The following KLHL3 variants were observed in gnomAD, a reference collection of about 807,000 sequenced individuals.
KLHL3 encodes kelch like family member 3.
KLHL3 carries 19 observed loss-of-function variants against 70.5 expected under a neutral mutation model. That is an observed-to-expected ratio of 0.27 (90% CI 0.19 to 0.40). The LOEUF is 0.40. Among genes scored for constraint, KLHL3 ranks in the 10% least tolerant of loss-of-function variants. KLHL3 has a pLI of 1.00. For missense variants in KLHL3, 512 were observed against 771.1 expected (o/e 0.66, Z 3.98); for synonymous variants, 258 against 290.3 (o/e 0.89, Z 1.13).
At chr5:137,691,362 GTC>G (rs1752317801) in intron 5 of KLHL3, among the ~76,000 whole-genome samples, 1 of 152,218 alleles carries the variant, frequency 6.6e-6, no homozygotes, top group Non-Finnish European at 1.5e-5. Context: ...TAAAGGGAAA[GTC>G]TGCAAAAGCT....
chr5:137,673,693 A>C (rs913614944), intron 6 of KLHL3: 2 of 152,274 alleles, frequency 1.3e-5, no homozygotes, highest in African/African-American at 4.8e-5. Context: ...CTTGGGGGAC[A>C]TCTGCTGAGT....
chr5:137,652,761 G>A (rs564184945), intron 8 of KLHL3, among the ~76,000 whole-genome samples: 6 of 152,192 alleles, frequency 3.9e-5, no homozygotes, highest in Non-Finnish European at 2.9e-5. Context: ...GGTGACTATA[G>A]TTAATAACAA....
At chr5:137,656,004 A>ATT (rs1751333656) in intron 8 of KLHL3, among the ~76,000 whole-genome samples, 1 of 151,018 alleles carries the variant, frequency 6.6e-6, no homozygotes, top group Admixed American at 6.6e-5. Flanking sequence ...AAAAAAAAAA[A>ATT]AAAAAAGGAA....
intron 2 of KLHL3, among the ~76,000 whole-genome samples, chr5:137,712,371 A>G (rs936758064): frequency 3.9e-5 from 6 of 152,204 alleles, no homozygotes; most frequent in African/African-American, 1.4e-4. Flanking sequence ...TGAAGAATAA[A>G]GATGGAGAAT....
chr5:137,625,960 C>G (rs1023590272), intron 13 of KLHL3, 64 bp from the exon 14 acceptor site: 1 of 1,595,794 alleles, frequency 6.3e-7, no homozygotes, highest in African/African-American at 1.3e-5. Context: ...CAGAATTGAT[C>G]AAGAGACAAA....
At chr5:137,662,194 G>A (rs1328293943) in intron 6 of KLHL3, among the ~76,000 whole-genome samples, 163 bp from the exon 7 acceptor site, 1 of 150,246 alleles carries the variant, frequency 6.7e-6, no homozygotes, top group Non-Finnish European at 1.5e-5. Flanking sequence ...AAAACAGAAA[G>A]GGTTTGTTTA....
chr5:137,634,174 G>A lies in KLHL3; in HGVS notation c.1322-9C>T, dbSNP rs748835764. On this transcript the variant is annotated splice_polypyrimidine_tract_variant and intron_variant, in intron 11 of 14. Coordinates refer to ENST00000309755, the MANE Select transcript of KLHL3 (RefSeq NM_017415.3). ...AACAGCATATAGCTTCCCTGCAATAGACAAAGTGGCTGAGTGTGGTGCCAG... is the reference window on the plus strand; with the variant it reads ...AACAGCATATAGCTTCCCTGCAATAAACAAAGTGGCTGAGTGTGGTGCCAG... 3 of 1,599,546 alleles carry A rather than the reference G, an allele frequency of 1.9e-6. No homozygotes were observed. In the East Asian group the frequency reaches 6.7e-5, roughly 36 times the overall value.
intron 3 of KLHL3, among the ~76,000 whole-genome samples, chr5:137,707,118 T>TA (rs964315826): frequency 5.3e-5 from 8 of 151,046 alleles, no homozygotes; most frequent in African/African-American, 1.5e-4. Flanking sequence ...AATAGCAATT[T>TA]AAAAAAAAAT....
intron 5 of KLHL3, among the ~76,000 whole-genome samples, chr5:137,681,985 G>A (rs1242104983): frequency 2.0e-5 from 3 of 152,106 alleles, no homozygotes; most frequent in Non-Finnish European, 4.4e-5. Context: ...TCTTCCCAAT[G>A]TTAAAAGGAT....
intron 8 of KLHL3, among the ~76,000 whole-genome samples, chr5:137,649,106 G>A (rs766125639): frequency 2.9e-4 from 44 of 152,146 alleles, no homozygotes; most frequent in Middle Eastern, 3.2e-3. Flanking sequence ...ACAGGGCCTC[G>A]GGCCAGTCAT....
chr5:137,708,171 T>C (rs969736061), intron 3 of KLHL3, among the ~76,000 whole-genome samples: 7 of 152,224 alleles, frequency 4.6e-5, no homozygotes, highest in African/African-American at 1.4e-4. Context: ...AGGCTGAAAG[T>C]AAGGTAAGAG....
chr5:137,640,740 C>CG (rs386405072), intron 8 of KLHL3, among the ~76,000 whole-genome samples: 8 of 152,032 alleles, frequency 5.3e-5, no homozygotes, highest in Non-Finnish European at 8.8e-5. Context: ...GCCACCCCCC[C>CG]CAACTCCTGC....
chr5:137,682,676 G>A (rs1752061376), intron 5 of KLHL3, among the ~76,000 whole-genome samples: 1 of 152,090 alleles, frequency 6.6e-6, no homozygotes, highest in Non-Finnish European at 1.5e-5. Flanking sequence ...TAATCACCCT[G>A]CTTTATTACA....
At chr5:137,709,533 T>C (rs1163850927) in intron 3 of KLHL3, among the ~76,000 whole-genome samples, 1 of 152,238 alleles carries the variant, frequency 6.6e-6, no homozygotes, top group African/African-American at 2.4e-5. Flanking sequence ...GTCTACCTTT[T>C]TTCCTCATGG....
chr5:137,727,759 G>A (rs1753108091), intron 1 of KLHL3, among the ~76,000 whole-genome samples: 1 of 152,064 alleles, frequency 6.6e-6, no homozygotes, highest in Admixed American at 6.6e-5. Flanking sequence ...CCCCAGTTCT[G>A]TATTCCCACA....
At chr5:137,677,509 G>T in intron 6 of KLHL3, 36 bp downstream of exon 6, 2 of 1,260,770 alleles carry the variant, frequency 1.6e-6, no homozygotes, top group Non-Finnish European at 2.3e-6. Context: ...CACCTGACGA[G>T]TGAGGTTCCC....
intron 8 of KLHL3, among the ~76,000 whole-genome samples, chr5:137,645,315 G>A (rs755149312): frequency 6.6e-6 from 1 of 152,132 alleles, no homozygotes; most frequent in East Asian, 1.9e-4. Flanking sequence ...CCTAGCCAGA[G>A]CAATCAGGCA....
intron 1 of KLHL3, among the ~76,000 whole-genome samples, chr5:137,723,665 C>T (rs1468991101): frequency 6.6e-6 from 1 of 152,202 alleles, no homozygotes; most frequent in Admixed American, 6.5e-5. Context: ...ATATTATCTG[C>T]ATATAATGCC....
rs1335428082 is a variant in KLHL3, at chr5:137,688,177, T to A, written c.526+4108A>T. ...GAATGATCAATAAAAAAAAATAAAA[T>A]AAAATAAAATAAAATAAAATAAAAT... On this transcript the variant is annotated intron_variant, in intron 5 of 14. Transcript: ENST00000309755. Among the ~76,000 whole-genome samples, 4 of 7,390 alleles carry A rather than the reference T, an allele frequency of 5.4e-4. 2 individuals are homozygous for A. Among genetic ancestry groups the A allele is most frequent in the Non-Finnish European group, 5.0e-4 (2 of 3,994 alleles). The allele number at this position is 7,390 out of a possible 152,430, so 4.8% of individuals were successfully genotyped here.
Sources: gnomAD v4.1 joint callset for allele counts (sites outside exome capture counted in the v4.1 genomes callset) on GRCh38, gnomAD v4.1.1 for gene constraint, MANE v1.5 for transcripts, NCBI Gene and HGNC (gene_info 2026-07-23, HGNC 2026-07-21) for gene names.